C1QTNF3: variants seen among roughly 807,000 people sequenced by gnomAD.
C1QTNF3 encodes C1q and TNF related 3, also known as complement C1q tumor necrosis factor-related protein 3.
Under a neutral mutation model 32.6 loss-of-function variants are expected in C1QTNF3, and 26 were observed. The observed-to-expected ratio is 0.80, with a 90% CI of 0.58 to 1.11. The LOEUF is 1.11. Among genes scored for constraint, C1QTNF3 ranks in the 50% least tolerant of loss-of-function variants. The probability of loss-of-function intolerance (pLI) is 0.00; values close to 1 mark genes in which losing one functional copy is unlikely to be tolerated. For synonymous variants in C1QTNF3, 155 were observed against 146.0 expected, an observed-to-expected ratio of 1.06 and a Z score of -0.44; for missense variants, 362 against 398.2, an observed-to-expected ratio of 0.91 and a Z score of 0.77.
the C1QTNF3 span, among the ~76,000 whole-genome samples, chr5:34,103,367 T>G: frequency 2.0e-5 from 3 of 151,704 alleles, no homozygotes; most frequent in South Asian, 6.2e-4. Context: ...AGTGGTGCAA[T>G]CACAGCTCAC....
At chr5:34,213,810 T>TATATATACATATATA in the C1QTNF3 span, among the ~76,000 whole-genome samples, 2 of 13,656 alleles carry the variant, frequency 1.5e-4, no homozygotes, top group African/African-American at 4.4e-4. Flanking sequence ...TATATATATA[T>TATATATACATATATA]TTTTTTTTTT....
At chr5:34,176,395 A>G in the C1QTNF3 span, among the ~76,000 whole-genome samples, 52 of 144,524 alleles carry the variant, frequency 3.6e-4, no homozygotes, top group East Asian at 6.5e-3. Flanking sequence ...CTAAAACTTA[A>G]CGTATAATAA....
the C1QTNF3 span, among the ~76,000 whole-genome samples, chr5:34,221,915 C>T: frequency 6.6e-6 from 1 of 151,968 alleles, no homozygotes; most frequent in Non-Finnish European, 1.5e-5. Flanking sequence ...ATATGCCATG[C>T]CCAGCAATAG....
chr5:34,091,167 G>T, the C1QTNF3 span, among the ~76,000 whole-genome samples: 1 of 152,146 alleles, frequency 6.6e-6, no homozygotes, highest in Non-Finnish European at 1.5e-5. Flanking sequence ...CGCTTTGATA[G>T]ATGAGCACAT....
chr5:34,195,955 T>C, the C1QTNF3 span, among the ~76,000 whole-genome samples: 1 of 152,302 alleles, frequency 6.6e-6, no homozygotes, highest in African/African-American at 2.4e-5. Context: ...ATAGAGCCCC[T>C]GTGGTGGCAT....
At chr5:34,103,283 T>TG in the C1QTNF3 span, among the ~76,000 whole-genome samples, 4 of 151,306 alleles carry the variant, frequency 2.6e-5, no homozygotes, top group Admixed American at 6.6e-5. Context: ...TTTGTGTGTG[T>TG]TTTTTTTTAT....
intron 3 of C1QTNF3, 103 bp downstream of exon 3, chr5:34,033,201 G>T: frequency 1.6e-6 from 2 of 1,274,780 alleles, no homozygotes; most frequent in Non-Finnish European, 2.2e-6. Context: ...GATTTACTCA[G>T]GATTGGGGAA....
the C1QTNF3 span, among the ~76,000 whole-genome samples, chr5:34,213,846 T>G: frequency 1.1e-5 from 1 of 94,954 alleles, no homozygotes; most frequent in African/African-American, 4.2e-5. Flanking sequence ...AGTTTCGCTC[T>G]TGCTGCCCAG....
At chr5:34,153,870 A>AC in the C1QTNF3 span, among the ~76,000 whole-genome samples, 1 of 150,346 alleles carries the variant, frequency 6.7e-6, no homozygotes, top group African/African-American at 2.4e-5. Flanking sequence ...AAAAAAAAAA[A>AC]AAAAACAAAA....
the C1QTNF3 span, among the ~76,000 whole-genome samples, chr5:34,109,033 T>C: frequency 6.6e-6 from 1 of 151,696 alleles, no homozygotes; most frequent in African/African-American, 2.4e-5. Context: ...CAGGTGAGTG[T>C]GATGTAATCA....
At chr5:34,167,578 A>G in the C1QTNF3 span, 1 of 152,184 alleles carries the variant, frequency 6.6e-6, no homozygotes, top group Non-Finnish European at 1.5e-5. Flanking sequence ...GCCAAGCCAC[A>G]CAACACCCAG....
At chr5:34,095,833 C>T in the C1QTNF3 span, among the ~76,000 whole-genome samples, 3 of 150,944 alleles carry the variant, frequency 2.0e-5, no homozygotes, top group Admixed American at 6.6e-5. Context: ...CTTTTCAAAG[C>T]GAAAATGGAA....
chr5:34,222,555 C>T, the C1QTNF3 span, among the ~76,000 whole-genome samples: 3 of 151,980 alleles, frequency 2.0e-5, no homozygotes, highest in African/African-American at 4.8e-5. Flanking sequence ...ATTCTGTGCA[C>T]ATTTGCATAT....
the C1QTNF3 span, among the ~76,000 whole-genome samples, chr5:34,051,367 A>G: frequency 1.3e-5 from 2 of 152,194 alleles, no homozygotes; most frequent in Admixed American, 6.5e-5. Flanking sequence ...AATACTCTAC[A>G]TATCTGTCTT....
At chr5:34,231,208 G>A in the C1QTNF3 span, among the ~76,000 whole-genome samples, 1 of 152,128 alleles carries the variant, frequency 6.6e-6, no homozygotes, top group Non-Finnish European at 1.5e-5. Context: ...AGTTCCACTG[G>A]TAAAAGCATA....
chr5:34,128,176 A>T, the C1QTNF3 span, among the ~76,000 whole-genome samples: 1 of 152,210 alleles, frequency 6.6e-6, no homozygotes, highest in South Asian at 2.1e-4. Context: ...TGCAAGCCCC[A>T]AGCCTTGGCA....
At chr5:34,044,499 G>A (rs536685561), upstream of C1QTNF3, among the ~76,000 whole-genome samples, 3 of 152,188 alleles carry the variant, frequency 2.0e-5, no homozygotes, top group South Asian at 2.1e-4. Flanking sequence ...AAGGGGAGAG[G>A]AGAGAGAGCT....
At chr5:34,102,845 T>A in the C1QTNF3 span, among the ~76,000 whole-genome samples, 3 of 149,118 alleles carry the variant, frequency 2.0e-5, no homozygotes, top group South Asian at 6.5e-4. Context: ...GGGTGGGGGC[T>A]GGGGGAGGGA....
At chr5:34,158,043 T>C in the C1QTNF3 span, 1 of 151,550 alleles carries the variant, frequency 6.6e-6, no homozygotes, top group Non-Finnish European at 1.5e-5. Flanking sequence ...ATTGTTCAGA[T>C]AAAACAAAGT....
Sources: allele counts gnomAD v4.1 joint callset (sites outside exome capture counted in the v4.1 genomes callset), GRCh38; gene constraint gnomAD v4.1.1; transcripts MANE v1.5; gene names NCBI Gene and HGNC (gene_info 2026-07-23, HGNC 2026-07-21).